Variants in ASNS observed in about 807,000 individuals in gnomAD.
ASNS encodes the protein asparagine synthetase (glutamine-hydrolyzing).
Under a neutral mutation model 62.6 loss-of-function variants are expected in ASNS, and 37 were observed. The ratio of observed to expected loss-of-function variants is 0.59; its 90% CI spans 0.45 to 0.78. The LOEUF (loss-of-function observed/expected upper bound fraction) is 0.78, where lower values mean the gene tolerates loss of function less well. Among genes scored for constraint, ASNS ranks in the 30% least tolerant of loss-of-function variants. The pLI is 0.00. For missense variants in ASNS, 520 were observed against 682.4 expected (o/e 0.76, Z 2.65); for synonymous variants, 207 against 237.9 (o/e 0.87, Z 1.19).
chr7:97,921,718 A>G, the ASNS span, among the ~76,000 whole-genome samples: 1 of 152,202 alleles, frequency 6.6e-6, no homozygotes, highest in African/African-American at 2.4e-5. Flanking sequence ...CCTCCAAGGA[A>G]ATGTGATAAC....
chr7:97,922,443 A>C, the ASNS span, among the ~76,000 whole-genome samples: 1 of 152,222 alleles, frequency 6.6e-6, no homozygotes, highest in Non-Finnish European at 1.5e-5. Flanking sequence ...AGGGTGGGGA[A>C]GTGGGCAGAT....
At chr7:97,913,534 G>T in the ASNS span, among the ~76,000 whole-genome samples, 1 of 152,068 alleles carries the variant, frequency 6.6e-6, no homozygotes, top group African/African-American at 2.4e-5. Flanking sequence ...AATCTCTATT[G>T]AGTGTCGATG....
chr7:97,898,978 CAA>C, the ASNS span: 1 of 752,236 alleles, frequency 1.3e-6, no homozygotes. Flanking sequence ...TCCTGGCGAC[CAA>C]GTCTTTCCAA....
At chr7:97,872,011 A>G (rs1239099888) in intron 1 of ASNS, 1 of 134,848 alleles carries the variant, frequency 7.4e-6, no homozygotes, top group Non-Finnish European at 1.6e-5. Flanking sequence ...GACGCCACAT[A>G]GTAAAAAAAA....
the ASNS span, among the ~76,000 whole-genome samples, chr7:97,924,045 C>G: frequency 6.6e-6 from 1 of 151,970 alleles, no homozygotes; most frequent in African/African-American, 2.4e-5. Flanking sequence ...AAAGTCTTTC[C>G]AACTGAGAAA....
chr7:97,875,852 T>C (rs1792427576), upstream of ASNS, among the ~76,000 whole-genome samples: 1 of 141,494 alleles, frequency 7.1e-6, no homozygotes, highest in Non-Finnish European at 1.6e-5. Flanking sequence ...TCCAAGCTAT[T>C]ATTAGGCAAT....
the ASNS span, among the ~76,000 whole-genome samples, chr7:97,884,057 ACAT>A: frequency 6.6e-6 from 1 of 151,704 alleles, no homozygotes; most frequent in Non-Finnish European, 1.5e-5. Context: ...TTCCATCCCT[ACAT>A]CAGCCCTTTA....
At chr7:97,875,433 C>G (rs1792418810), upstream of ASNS, among the ~76,000 whole-genome samples, 2 of 152,232 alleles carry the variant, frequency 1.3e-5, no homozygotes, top group South Asian at 4.1e-4. Context: ...GCCACCATGC[C>G]TGGCCACAGT....
intron 4 of ASNS, among the ~76,000 whole-genome samples, chr7:97,862,157 T>C (rs1287868444): frequency 6.6e-6 from 1 of 152,186 alleles, no homozygotes; most frequent in Non-Finnish European, 1.5e-5. Context: ...ACAAATTGCA[T>C]TGCATGCAAA....
the ASNS span, among the ~76,000 whole-genome samples, chr7:97,896,628 A>ATG: frequency 2.3e-5 from 3 of 128,162 alleles, no homozygotes; most frequent in Admixed American, 1.9e-4. Context: ...ACATATATAT[A>ATG]TGTATATATA....
the ASNS span, among the ~76,000 whole-genome samples, chr7:97,880,293 T>G: frequency 1.3e-5 from 2 of 152,074 alleles, no homozygotes; most frequent in African/African-American, 4.8e-5. Flanking sequence ...CCTAGCTAAT[T>G]TCATATTTTT....
At chr7:97,925,864 A>C in the ASNS span, among the ~76,000 whole-genome samples, 27 of 152,312 alleles carry the variant, frequency 1.8e-4, no homozygotes, top group Middle Eastern at 6.8e-3. Context: ...CCAAATACCT[A>C]GGAGAGACTT....
the ASNS span, among the ~76,000 whole-genome samples, chr7:97,899,411 C>T: frequency 2.0e-5 from 3 of 152,190 alleles, no homozygotes; most frequent in Non-Finnish European, 4.4e-5. Context: ...GTGTAAGCCA[C>T]CATGCCCAGC....
rs1584455597 is a variant in ASNS, at chr7:97,852,319, G to A, written c.1626C>T (p.Ile542=). ...WLSHYWMPKW[I]NATDPSARTL... is the part of the protein sequence containing the mutation. The stretch of plus-strand genomic sequence containing the variant: ...TGCGGGCAGAAGGGTCAGTGGCATT[G>A]ATCCACTTGGGCATCCAGTAATGGC... Residue 542 remains isoleucine (I), a synonymous_variant, in exon 13 of 13, where the codon ATC becomes ATT. Coordinates refer to ENST00000394308, the MANE Select transcript of ASNS (RefSeq NM_001673.5). 1.2e-6 allele frequency: 2 copies of A among 1,614,146 alleles called. No homozygotes were observed. The highest frequency in any genetic ancestry group is 1.7e-4 in the Middle Eastern group (1 of 6,060).
At chr7:97,853,651 T>C (rs1468132491) in intron 10 of ASNS, among the ~76,000 whole-genome samples, 8 of 152,178 alleles carry the variant, frequency 5.3e-5, no homozygotes, top group African/African-American at 1.9e-4. Flanking sequence ...TAGGAATAGT[T>C]AAATGCATAT....
At chr7:97,868,057 T>C (rs1274238094) in intron 3 of ASNS, among the ~76,000 whole-genome samples, 1 of 152,134 alleles carries the variant, frequency 6.6e-6, no homozygotes, top group Non-Finnish European at 1.5e-5. Flanking sequence ...ATATTCTTGG[T>C]AGCACTTTGA....
the ASNS span, among the ~76,000 whole-genome samples, chr7:97,889,929 A>AAAAAAAAAAAAAAAAAAAAAAAC: frequency 2.2e-5 from 1 of 46,426 alleles, no homozygotes; most frequent in African/African-American, 8.6e-5. Context: ...AATGAATACA[A>AAAAAAAAAAAAAAAAAAAAAAAC]AAAAAAAAAA....
the ASNS span, among the ~76,000 whole-genome samples, chr7:97,907,768 CA>C: frequency 2.2e-4 from 30 of 138,404 alleles, no homozygotes; most frequent in South Asian, 4.5e-4. Context: ...GACTCCATCT[CA>C]AAAAAAAAAA....
At chr7:97,867,829 G>A (rs1042015825) in intron 3 of ASNS, among the ~76,000 whole-genome samples, 3 of 152,174 alleles carry the variant, frequency 2.0e-5, no homozygotes, top group African/African-American at 7.2e-5. Context: ...TAAATGAGAA[G>A]ACTATTATTA....
Sources: allele counts gnomAD v4.1 joint callset (sites outside exome capture counted in the v4.1 genomes callset), GRCh38; gene constraint gnomAD v4.1.1; transcripts MANE v1.5; gene names NCBI Gene and HGNC (gene_info 2026-07-23, HGNC 2026-07-21).